The following DAGLB variants were observed in gnomAD, a reference collection of about 807,000 sequenced individuals.
The protein encoded by DAGLB is diacylglycerol lipase-beta.
In DAGLB, 66 loss-of-function variants were observed where a neutral mutation model predicts 72.1. That is an observed-to-expected ratio of 0.92 (90% CI 0.75 to 1.12). DAGLB has a LOEUF of 1.12. Ranked by LOEUF, DAGLB falls within the 50% of genes most tolerant of loss-of-function variation. DAGLB has a pLI of 0.00. For synonymous variants in DAGLB, 414 were observed against 359.5 expected (o/e 1.15, Z -1.71); for missense variants, 1,065 against 884.9 (o/e 1.20, Z -2.58).
At chr7:6,429,000 T>G (rs1040253930) in intron 6 of DAGLB, among the ~76,000 whole-genome samples, 1 of 152,016 alleles carries the variant, frequency 6.6e-6, no homozygotes, top group African/African-American at 2.4e-5. Flanking sequence ...GATGGAGTTT[T>G]GCCAGGTTGC....
chr7:6,437,708 G>A (rs1366916671), intron 2 of DAGLB, among the ~76,000 whole-genome samples: 2 of 152,270 alleles, frequency 1.3e-5, no homozygotes, highest in African/African-American at 4.8e-5. Flanking sequence ...GAGTGCAGTA[G>A]TGTGATCTCA....
intron 9 of DAGLB, 183 bp from the exon 10 acceptor site, chr7:6,417,104 G>A (rs895634474): frequency 3.7e-5 from 24 of 645,106 alleles, no homozygotes; most frequent in Non-Finnish European, 6.1e-5. Context: ...AGCGCCTGAC[G>A]TGAAGCAGGT....
rs1254704540 is a variant in DAGLB, at chr7:6,416,720, C to T, written c.1334G>A (p.Gly445Glu). 2.5e-6 allele frequency: 4 copies of T among 1,613,666 alleles called. No individual in the cohort carries two copies. Among genetic ancestry groups the T allele is most frequent in the Non-Finnish European group, 2.5e-6 (3 of 1,179,816 alleles). Residue 445 changes from glycine (G) to glutamate (E), a missense_variant, in exon 11 of 15, where the codon GGG becomes GAG. Transcript: ENST00000297056. ...GGCCAGCAGGGCGGCCGCCCCGCCC[C>T]CGAGGCTGTGGCCCACTATGACCAG... The part of the protein sequence containing the change: ...YRLVIVGHSL[G>E]GGAAALLATM...
chr7:6,425,769 G>C (rs1379302857), intron 7 of DAGLB, among the ~76,000 whole-genome samples: 1 of 152,214 alleles, frequency 6.6e-6, no homozygotes, highest in African/African-American at 2.4e-5. Context: ...CTCTGATGAA[G>C]ACGTCTCTAT....
chr7:6,431,520 C>T (rs1201200898), intron 5 of DAGLB, among the ~76,000 whole-genome samples: 1 of 152,166 alleles, frequency 6.6e-6, no homozygotes, highest in African/African-American at 2.4e-5. Context: ...GCCTGTAATC[C>T]CAGCACTTTG....
At chr7:6,422,344 C>A (rs918101263) in intron 8 of DAGLB, 14 of 249,086 alleles carry the variant, frequency 5.6e-5, no homozygotes, top group Non-Finnish European at 1.1e-4. Flanking sequence ...GTCCTCCCAA[C>A]AGGGGCAGCA....
At chr7:6,441,422 T>C (rs1784829157) in intron 2 of DAGLB, among the ~76,000 whole-genome samples, 1 of 131,082 alleles carries the variant, frequency 7.6e-6, no homozygotes, top group Non-Finnish European at 1.6e-5. Flanking sequence ...CATTTTTTTC[T>C]TTTTTTTTTT....
chr7:6,415,516 G>A (rs949611112), intron 11 of DAGLB, among the ~76,000 whole-genome samples: 10 of 150,740 alleles, frequency 6.6e-5, no homozygotes, highest in Admixed American at 6.0e-4. Context: ...ACACAGAACA[G>A]TCAGTATGCT....
intron 6 of DAGLB, among the ~76,000 whole-genome samples, 196 bp downstream of exon 6, chr7:6,430,283 GC>G (rs1160731848): frequency 1.8e-5 from 1 of 56,196 alleles, no homozygotes; most frequent in South Asian, 7.0e-4. Flanking sequence ...ATATATATAT[GC>G]AGGGGGGAGG....
At position 6,409,973 on chromosome 7, in the gene DAGLB, T is replaced by G. The variant is rs1379222612; in HGVS notation, c.1883A>C (p.Lys628Thr). The G allele has an allele frequency of 3.7e-6, 6 of 1,614,140 alleles. No individual in the cohort carries two copies. In the South Asian group the frequency reaches 5.5e-5, roughly 15 times the overall value. Residue 628 changes from lysine to threonine, a missense_variant, in exon 15 of 15, where the codon AAA becomes ACA. Coordinates refer to ENST00000297056, the MANE Select transcript of DAGLB (RefSeq NM_139179.4). ...AKWSHEAEFS[K>T]ILIGPKMLTD... The stretch of plus-strand genomic sequence containing the variant: ...GAGCATCTTCGGACCTATGAGTATT[T>G]TGCTGAATTCCGCTTCGTGTGACCA...
chr7:6,417,002 G>C, intron 9 of DAGLB, 81 bp from the exon 10 acceptor site: 1 of 1,454,530 alleles, frequency 6.9e-7, no homozygotes, highest in Non-Finnish European at 9.6e-7. Flanking sequence ...GGATGACGCT[G>C]TGCACTGATG....
Position 6,410,141 on chromosome 7 carries a change from G to T in DAGLB, c.1809C>A (p.Gly603=), listed in dbSNP as rs1054966238. 1.3e-6 allele frequency: 2 copies of T among 1,573,162 alleles called. No individual in the cohort carries two copies. Among genetic ancestry groups the T allele is most frequent in the Non-Finnish European group, 8.6e-7 (1 of 1,156,494 alleles). Residue 603 remains glycine (G), a synonymous_variant, in exon 14 of 15, where the codon GGC becomes GGA. Coordinates refer to ENST00000297056, the MANE Select transcript of DAGLB (RefSeq NM_139179.4). Reference sequence around the variant, plus strand: ...CACGCCGCACTCACCGCCCCGAGGCGCCCTCCTCCTGCAGGTGGATGATCC... The same window carrying T: ...CACGCCGCACTCACCGCCCCGAGGCTCCCTCCTCCTGCAGGTGGATGATCC... ...PGRIIHLQEE[G]ASGRFGCCSA... is the part of the protein sequence containing the mutation.
intron 11 of DAGLB, among the ~76,000 whole-genome samples, chr7:6,415,685 A>G (rs998896945): frequency 4.0e-5 from 6 of 151,450 alleles, no homozygotes; most frequent in Non-Finnish European, 7.4e-5. Flanking sequence ...CTACTAAAAA[A>G]ATACAAAAAA....
chr7:6,409,886 G>T lies in DAGLB; in HGVS notation c.1970C>A (p.Ala657Asp), dbSNP rs368954918. 1.2e-5 allele frequency: 20 copies of T among 1,613,984 alleles called. No homozygotes were observed. The African/African-American group carries it at 2.5e-4, about 20-fold the overall frequency. The change falls in exon 15 of 15, where the codon GCC (alanine) becomes GAC (aspartate). Residue 657 changes from alanine to aspartate, a missense_variant. Transcript: ENST00000297056. ...ALDSVVSDRA[A>D]CVSCPAQGVS... ...CCCTTGTGCTGGACAGGAGACGCAGGCCGCTCTGTCGGAGACCACGCTGTC... is the reference window on the plus strand; with the variant it reads ...CCCTTGTGCTGGACAGGAGACGCAGTCCGCTCTGTCGGAGACCACGCTGTC...
chr7:6,446,242 G>A lies in DAGLB; in HGVS notation c.96-138C>T, dbSNP rs1044169412. On this transcript the variant is annotated intron_variant, in intron 1 of 14. Transcript: ENST00000297056. ...ACAGCACTTTGGGAGGGTGAGGTGG[G>A]CGGATCACAAGGTCAGGAGATCGAG... The A allele has an allele frequency of 1.3e-5, 10 of 766,156 alleles. No homozygotes were observed. In the Admixed American group the frequency reaches 2.4e-4, roughly 19 times the overall value. 47.5% of individuals were successfully genotyped at this position (766,156 alleles called of 1,614,324 possible).
At chr7:6,437,697 G>T (rs1424173292) in intron 2 of DAGLB, among the ~76,000 whole-genome samples, 1 of 152,150 alleles carries the variant, frequency 6.6e-6, no homozygotes, top group Non-Finnish European at 1.5e-5. Flanking sequence ...CGCCCAGGCT[G>T]GAGTGCAGTA....
In DAGLB at chr7:6,424,782, C is replaced by T; in HGVS notation, c.1110G>A (p.Val370=). ...GAGACATGGTCCCCCTCACAGCGAC[C>T]ACAACAGACTCTTTCCTGTGATCCA... The part of the protein sequence containing the change: ...VALDHRKESV[V]VAVRGTMSLQ... Residue 370 remains valine, a synonymous_variant, in exon 8 of 15, where the codon GTG becomes GTA. Coordinates refer to ENST00000297056, the MANE Select transcript of DAGLB (RefSeq NM_139179.4). The T allele has an allele frequency of 6.2e-7, 1 of 1,613,836 alleles. No individual in the cohort carries two copies. The highest frequency in any genetic ancestry group is 8.5e-7 in the Non-Finnish European group (1 of 1,179,858).
Position 6,416,611 on chromosome 7 carries a change from G to A in DAGLB, c.1427+16C>T. ...TGTAAGTAGCAAGCTGTTAGAGCAGGAAAACAAAGGCTCACCTCCACAGCC... is the reference window on the plus strand; with the variant it reads ...TGTAAGTAGCAAGCTGTTAGAGCAGAAAAACAAAGGCTCACCTCCACAGCC... On this transcript the variant is annotated intron_variant, in intron 11 of 14. Transcript: ENST00000297056. The A allele has an allele frequency of 6.3e-7, 1 of 1,580,140 alleles. No individual in the cohort carries two copies. Among genetic ancestry groups the A allele is most frequent in the Non-Finnish European group, 8.6e-7 (1 of 1,165,940 alleles).
chr7:6,434,892 TTAAG>T lies in DAGLB; in HGVS notation c.544_547del (p.Leu182MetfsTer93), dbSNP rs749750840. On this transcript the variant is annotated frameshift_variant, in exon 4 of 15. Coordinates refer to ENST00000297056, the MANE Select transcript of DAGLB (RefSeq NM_139179.4). LOFTEE classifies it high-confidence loss of function. ...GCTTGTAGCTGCTGTCTTGAGGCCA[TTAAG>T]TAACTGGCTTGAATCATGACTATCC... 1 of 1,614,064 alleles carries T rather than the reference TTAAG, an allele frequency of 6.2e-7. No individual in the cohort carries two copies. The highest frequency in any genetic ancestry group is 8.5e-7 in the Non-Finnish European group (1 of 1,180,036).
Sources: allele counts gnomAD v4.1 joint callset (sites outside exome capture counted in the v4.1 genomes callset), GRCh38; gene constraint gnomAD v4.1.1; transcripts MANE v1.5; gene names NCBI Gene and HGNC (gene_info 2026-07-23, HGNC 2026-07-21).